Variants in NXPE2 observed in about 807,000 individuals in gnomAD.
The protein encoded by NXPE2 is neurexophilin and PC-esterase domain family member 2, also known as NXPE family member 2.
A neutral mutation model predicts 34.4 loss-of-function variants in NXPE2; 34 were observed. That is an observed-to-expected ratio of 0.99 (90% confidence interval 0.75 to 1.31). The LOEUF (loss-of-function observed/expected upper bound fraction) is 1.31. Among genes scored for constraint, NXPE2 ranks in the 40% most tolerant of loss-of-function variants. The pLI, the probability that NXPE2 is intolerant of heterozygous loss-of-function variation, is 0.00. For synonymous variants in NXPE2, 235 were observed against 231.3 expected, an observed-to-expected ratio of 1.02 and a Z score of -0.15; for missense variants, 649 against 672.5, an observed-to-expected ratio of 0.97 and a Z score of 0.39.
the NXPE2 span, among the ~76,000 whole-genome samples, chr11:114,528,625 A>G: frequency 6.6e-6 from 1 of 152,166 alleles, no homozygotes; most frequent in African/African-American, 2.4e-5. Context: ...TAATAAATGT[A>G]CCTTACATTT....
upstream of NXPE2, among the ~76,000 whole-genome samples, chr11:114,677,038 T>G (rs1035686717): frequency 6.6e-6 from 1 of 152,010 alleles, no homozygotes; most frequent in African/African-American, 2.4e-5. Flanking sequence ...AACTATTGCA[T>G]TATCTCATTT....
intron 3 of NXPE2, among the ~76,000 whole-genome samples, chr11:114,699,567 A>G (rs762940251): frequency 4.6e-5 from 7 of 152,146 alleles, no homozygotes; most frequent in Non-Finnish European, 8.8e-5. Context: ...CAAATGGACC[A>G]TGTCCTCTCA....
At chr11:114,737,954 G>A in the NXPE2 span, among the ~76,000 whole-genome samples, 1 of 152,164 alleles carries the variant, frequency 6.6e-6, no homozygotes, top group Admixed American at 6.5e-5. Flanking sequence ...GGGCGTGGTG[G>A]TGCTGGCCTG....
At chr11:114,482,403 C>G in the NXPE2 span, among the ~76,000 whole-genome samples, 2 of 152,162 alleles carry the variant, frequency 1.3e-5, no homozygotes. Flanking sequence ...CTCAGTGTTA[C>G]CCTGAGTACT....
At chr11:114,520,065 G>A in the NXPE2 span, among the ~76,000 whole-genome samples, 1 of 151,964 alleles carries the variant, frequency 6.6e-6, no homozygotes, top group Non-Finnish European at 1.5e-5. Context: ...GCCTCCCAAA[G>A]TGCTGGCATT....
chr11:114,668,104 C>T, the NXPE2 span, among the ~76,000 whole-genome samples: 8 of 151,930 alleles, frequency 5.3e-5, no homozygotes, highest in East Asian at 1.6e-3. Context: ...GACTGAATAC[C>T]TCTTGATAGA....
chr11:114,612,872 G>A, the NXPE2 span, among the ~76,000 whole-genome samples: 2 of 151,898 alleles, frequency 1.3e-5, no homozygotes, highest in African/African-American at 2.4e-5. Flanking sequence ...TTACCCCGTG[G>A]ATAATAAGTG....
At chr11:114,740,875 T>C in the NXPE2 span, among the ~76,000 whole-genome samples, 1 of 152,174 alleles carries the variant, frequency 6.6e-6, no homozygotes, top group Non-Finnish European at 1.5e-5. Flanking sequence ...GTATGTAGAA[T>C]TATAATATCC....
At chr11:114,465,997 C>T in the NXPE2 span, among the ~76,000 whole-genome samples, 3 of 152,188 alleles carry the variant, frequency 2.0e-5, no homozygotes, top group East Asian at 3.9e-4. Flanking sequence ...AAGTCTTTAA[C>T]AAATTTCCCT....
the NXPE2 span, among the ~76,000 whole-genome samples, chr11:114,575,991 A>G: frequency 1.1e-4 from 16 of 152,352 alleles, no homozygotes; most frequent in South Asian, 3.1e-3. Flanking sequence ...TGGTACTGGC[A>G]TAAAAATAGG....
At chr11:114,807,522 A>G in the NXPE2 span, among the ~76,000 whole-genome samples, 2 of 151,692 alleles carry the variant, frequency 1.3e-5, no homozygotes, top group African/African-American at 4.8e-5. Context: ...GGAAAACAAA[A>G]AAAGGCAGGG....
At chr11:114,571,717 G>A in the NXPE2 span, among the ~76,000 whole-genome samples, 1 of 152,204 alleles carries the variant, frequency 6.6e-6, no homozygotes, top group Non-Finnish European at 1.5e-5. Flanking sequence ...CAGACAAACA[G>A]AGCAGCCTGT....
At chr11:114,477,181 G>A in the NXPE2 span, among the ~76,000 whole-genome samples, 1 of 152,302 alleles carries the variant, frequency 6.6e-6, no homozygotes, top group South Asian at 2.1e-4. Context: ...AATAGAAGCA[G>A]AGAGTAGAAT....
chr11:114,583,538 G>A, the NXPE2 span: 49 of 606,122 alleles, frequency 8.1e-5, no homozygotes, highest in Non-Finnish European at 1.2e-4. Flanking sequence ...GAGATTCAAC[G>A]TTAGTGAGGA....
At chr11:114,527,785 A>G in the NXPE2 span, 22 of 1,220,342 alleles carry the variant, frequency 1.8e-5, no homozygotes, top group East Asian at 9.8e-5. Flanking sequence ...ATTTAGGTTA[A>G]TGCTGATAAA....
chr11:114,611,426 A>T, the NXPE2 span, among the ~76,000 whole-genome samples: 19 of 117,014 alleles, frequency 1.6e-4, no homozygotes, highest in East Asian at 8.0e-4. Context: ...TATTGCCTCT[A>T]GGGTAATCAC....
the NXPE2 span, among the ~76,000 whole-genome samples, chr11:114,806,372 C>T: frequency 1.4e-4 from 21 of 152,062 alleles, no homozygotes; most frequent in Admixed American, 3.3e-4. Context: ...TGAGAGAAGG[C>T]AGCTTCAGAT....
chr11:114,572,090 C>T, the NXPE2 span, among the ~76,000 whole-genome samples: 1 of 152,168 alleles, frequency 6.6e-6, no homozygotes, highest in South Asian at 2.1e-4. Context: ...TCTTTGCAGA[C>T]ACTCTCCAGT....
At chr11:114,695,833 ACAC>A (rs1951240954) in intron 2 of NXPE2, among the ~76,000 whole-genome samples, 3 of 117,574 alleles carry the variant, frequency 2.6e-5, no homozygotes, top group African/African-American at 1.1e-4. Context: ...TCTACTAAAC[ACAC>A]ACACACACAC....
Sources: gnomAD v4.1 joint callset for allele counts (sites outside exome capture counted in the v4.1 genomes callset) on GRCh38, gnomAD v4.1.1 for gene constraint, MANE v1.5 for transcripts, NCBI Gene and HGNC (gene_info 2026-07-23, HGNC 2026-07-21) for gene names.